The following PCDHA7 variants were observed in gnomAD, a reference collection of about 807,000 sequenced individuals.
PCDHA7 encodes protocadherin alpha-7.
A neutral mutation model predicts 57.2 loss-of-function variants in PCDHA7; 37 were observed. That is an observed-to-expected ratio of 0.65 (90% CI 0.50 to 0.85). The LOEUF is 0.85. PCDHA7 is among the 40% of genes least tolerant of loss of function. PCDHA7 has a pLI of 0.00. For synonymous variants in PCDHA7, 553 were observed against 558.8 expected (o/e 0.99, Z 0.15); for missense variants, 1,188 against 1,241.8 (o/e 0.96, Z 0.65).
At chr5:140,922,476 G>C (rs1473614127) in intron 1 of PCDHA7, among the ~76,000 whole-genome samples, 2 of 152,184 alleles carry the variant, frequency 1.3e-5, no homozygotes, top group African/African-American at 4.8e-5. Context: ...AGGAGAGAAG[G>C]CAGGACTAAA....
intron 1 of PCDHA7, among the ~76,000 whole-genome samples, chr5:140,951,543 C>G (rs246041): frequency 0.56 from 85,284 of 151,440 alleles, 24,613 homozygotes; most frequent in African/African-American, 0.69. Flanking sequence ...GAGCAAGGGA[C>G]GGGGGGAAGT....
At chr5:140,997,615 T>C (rs900460811) in intron 3 of PCDHA7, among the ~76,000 whole-genome samples, 5 of 152,096 alleles carry the variant, frequency 3.3e-5, no homozygotes, top group Non-Finnish European at 7.3e-5. Context: ...CATGACTATA[T>C]AGAGATTTTC....
chr5:141,003,511 C>T (rs2098128112), intron 3 of PCDHA7, among the ~76,000 whole-genome samples: 2 of 152,114 alleles, frequency 1.3e-5, no homozygotes, highest in African/African-American at 4.8e-5. Flanking sequence ...TGGGGTTTCA[C>T]CATGTTCCCT....
intron 1 of PCDHA7, chr5:140,837,034 CA>C (rs1275665516): frequency 5.8e-5 from 13 of 223,608 alleles, no homozygotes; most frequent in South Asian, 2.6e-4. Context: ...AGTGTATTTA[CA>C]AAATCAAATA....
intron 3 of PCDHA7, among the ~76,000 whole-genome samples, chr5:140,991,593 C>T (rs2097461164): frequency 6.6e-6 from 1 of 152,196 alleles, no homozygotes; most frequent in South Asian, 2.1e-4. Flanking sequence ...TCTACCTGAG[C>T]CCTCACTGGC....
At chr5:140,928,292 T>G in intron 1 of PCDHA7, 1 of 1,614,086 alleles carries the variant, frequency 6.2e-7, no homozygotes, top group Middle Eastern at 1.6e-4. Flanking sequence ...CTAGGCCGAG[T>G]GTTTGCCCAG....
intron 1 of PCDHA7, chr5:140,849,764 G>C (rs2041112931): frequency 6.3e-6 from 10 of 1,598,402 alleles, no homozygotes; most frequent in Non-Finnish European, 8.6e-6. Context: ...CCTACGAGCT[G>C]GTGGTTACCG....
At chr5:140,870,465 C>A in intron 1 of PCDHA7, 1 of 1,614,208 alleles carries the variant, frequency 6.2e-7, no homozygotes, top group Non-Finnish European at 8.5e-7. Flanking sequence ...CGCCTGCGTT[C>A]GCACAGCCCG....
At chr5:140,881,353 G>T (rs537796043) in intron 1 of PCDHA7, 4 of 985,178 alleles carry the variant, frequency 4.1e-6, no homozygotes, top group Non-Finnish European at 4.8e-6. Context: ...GCTACAATGC[G>T]TGGCTTTCGT....
chr5:140,852,637 A>G (rs2150521055), intron 1 of PCDHA7: 1 of 959,312 alleles, frequency 1.0e-6, no homozygotes, highest in Non-Finnish European at 1.3e-6. Flanking sequence ...AGCTCCTGTC[A>G]TTAAACCTAT....
At chr5:140,864,331 TG>T (rs1554158785) in intron 1 of PCDHA7, 2 of 152,248 alleles carry the variant, frequency 1.3e-5, no homozygotes, top group African/African-American at 4.8e-5. Context: ...CATAATTATT[TG>T]AGTTTAAAAC....
At chr5:140,902,400 C>T (rs2069421777) in intron 1 of PCDHA7, among the ~76,000 whole-genome samples, 1 of 151,930 alleles carries the variant, frequency 6.6e-6, no homozygotes, top group South Asian at 2.1e-4. Flanking sequence ...ATGTTGAATA[C>T]TATGTTGAAT....
chr5:140,876,063 G>T (rs1404065760), intron 1 of PCDHA7: 1 of 1,613,860 alleles, frequency 6.2e-7, no homozygotes, highest in East Asian at 2.2e-5. Flanking sequence ...TAGTTCTTCG[G>T]AAGTTATTGG....
At chr5:140,941,957 A>G (rs1254816482) in intron 1 of PCDHA7, among the ~76,000 whole-genome samples, 1 of 152,234 alleles carries the variant, frequency 6.6e-6, no homozygotes, top group Non-Finnish European at 1.5e-5. Flanking sequence ...TGAAAACAAT[A>G]GTATCTTTAC....
chr5:140,869,363 A>G lies in PCDHA7; in HGVS notation c.2355+32625A>G, dbSNP rs1201912812. The G allele has an allele frequency of 9.3e-6, 15 of 1,614,010 alleles. No individual in the cohort carries two copies. In the Admixed American group the frequency reaches 2.5e-4, roughly 27 times the overall value. ...CTGCAGAATGGCATTTTGTTTGTGA[A>G]TTCTCGGATCGACCGCGAGGAGCTG... On this transcript the variant is annotated intron_variant, in intron 1 of 3. Coordinates refer to ENST00000525929, the MANE Select transcript of PCDHA7 (RefSeq NM_018910.3).
chr5:140,843,555 TG>T, intron 1 of PCDHA7: 1 of 1,595,708 alleles, frequency 6.3e-7, no homozygotes, highest in African/African-American at 1.3e-5. Context: ...TCCAGTGCGG[TG>T]GGGAGCTGGT....
intron 1 of PCDHA7, among the ~76,000 whole-genome samples, chr5:140,903,175 A>G (rs1554190800): frequency 1.3e-5 from 2 of 152,170 alleles, no homozygotes; most frequent in Non-Finnish European, 2.9e-5. Context: ...TTACATTCCC[A>G]CCAATAGTAT....
intron 1 of PCDHA7, among the ~76,000 whole-genome samples, chr5:140,945,509 GTAAA>G (rs1266877059): frequency 6.6e-6 from 1 of 151,782 alleles, no homozygotes; most frequent in Non-Finnish European, 1.5e-5. Context: ...ATTGAGCAAA[GTAAA>G]TAAATAAATA....
At chr5:141,001,624 CG>C (rs1335079944) in intron 3 of PCDHA7, among the ~76,000 whole-genome samples, 1 of 151,678 alleles carries the variant, frequency 6.6e-6, no homozygotes, top group African/African-American at 2.4e-5. Context: ...AAAGGACTGG[CG>C]GGGGTTGGGG....
Sources: gnomAD v4.1 joint callset for allele counts (sites outside exome capture counted in the v4.1 genomes callset) on GRCh38, gnomAD v4.1.1 for gene constraint, MANE v1.5 for transcripts, NCBI Gene and HGNC (gene_info 2026-07-23, HGNC 2026-07-21) for gene names.